MPDZ: variants seen among roughly 807,000 people sequenced by gnomAD.
The protein encoded by MPDZ is multiple PDZ domain protein.
MPDZ carries 234 observed loss-of-function variants against 239.1 expected under a neutral mutation model. That is an observed-to-expected ratio of 0.98 (90% confidence interval 0.88 to 1.09). The LOEUF is 1.09. MPDZ is among the 50% of genes least tolerant of loss of function. MPDZ has a pLI of 0.00. For missense variants in MPDZ, 3,175 were observed against 2,510.0 expected, an observed-to-expected ratio of 1.26 and a Z score of -5.66; for synonymous variants, 1,048 against 881.3, an observed-to-expected ratio of 1.19 and a Z score of -3.35.
At chr9:13,242,405 T>C (rs1965641299) in intron 3 of MPDZ, among the ~76,000 whole-genome samples, 3 of 151,772 alleles carry the variant, frequency 2.0e-5, no homozygotes, top group Admixed American at 2.0e-4. Flanking sequence ...TTTGTATTTT[T>C]AGTAGAGATG....
Position 13,219,541 on chromosome 9 carries a change from C to A in MPDZ, c.1086+18G>T, listed in dbSNP as rs753728644. The A allele has an allele frequency of 6.2e-7, 1 of 1,603,230 alleles. No individual in the cohort carries two copies. The highest frequency in any genetic ancestry group is 1.1e-5 in the South Asian group (1 of 90,260). On this transcript the variant is annotated intron_variant, in intron 8 of 46. Coordinates refer to ENST00000319217, the MANE Select transcript of MPDZ (RefSeq NM_001378778.1). ...GTTATTTCTCTGACTTTCACATTAA[C>A]TACTCTTAACTACTTACCCGCAACT...
Position 13,138,149 on chromosome 9 carries a change from A to G in MPDZ, c.4008T>C (p.Asn1336=), listed in dbSNP as rs367729260. The G allele has an allele frequency of 3.1e-5, 49 of 1,572,238 alleles. No individual in the cohort carries two copies. The highest frequency in any genetic ancestry group is 3.7e-5 in the Non-Finnish European group (43 of 1,159,400). Residue 1336 remains asparagine, a synonymous_variant, in exon 29 of 47, where the codon AAT becomes AAC. Transcript: ENST00000319217. ...TTAGGGTTCCATAACGCTCTCTGAT[A>G]TTTTCTACATACAACAACAACAACA... is the stretch of plus-strand genomic sequence containing the variant. The part of the protein sequence containing the change: ...KEDEFGYSWK[N]IRERYGTLTG...
intron 19 of MPDZ, among the ~76,000 whole-genome samples, chr9:13,182,210 C>T (rs895460516): frequency 6.6e-6 from 1 of 151,768 alleles, no homozygotes; most frequent in Admixed American, 6.6e-5. Context: ...ATACATATTT[C>T]GTATATTAAA....
intron 3 of MPDZ, 54 bp from the exon 4 acceptor site, chr9:13,224,637 T>C (rs1328611142): frequency 1.0e-5 from 12 of 1,203,234 alleles, no homozygotes; most frequent in African/African-American, 7.6e-5. Flanking sequence ...AACTATTTCA[T>C]AGAAAATATC....
chr9:13,252,563 C>T (rs1427316778), intron 1 of MPDZ, among the ~76,000 whole-genome samples: 3 of 87,788 alleles, frequency 3.4e-5, no homozygotes, highest in African/African-American at 1.2e-4. Flanking sequence ...AGACTCTGTC[C>T]CCCGCAAAAA....
At chr9:13,219,899 T>C in intron 7 of MPDZ, 131 bp from the exon 8 acceptor site, 1 of 793,166 alleles carries the variant, frequency 1.3e-6, no homozygotes. Context: ...ATAAAACACA[T>C]GGGTATAATA....
intron 21 of MPDZ, among the ~76,000 whole-genome samples, chr9:13,170,266 T>G (rs1361102175): frequency 2.0e-5 from 3 of 152,174 alleles, no homozygotes; most frequent in Non-Finnish European, 1.5e-5. Flanking sequence ...ATATGATATT[T>G]CAAACATTTT....
chr9:13,113,050 T>A lies in MPDZ; in HGVS notation c.5562A>T (p.Ala1854=). 1 of 1,580,670 alleles carries A rather than the reference T, an allele frequency of 6.3e-7. No individual in the cohort carries two copies. The highest frequency in any genetic ancestry group is 8.6e-7 in the Non-Finnish European group (1 of 1,161,264). The part of the protein sequence containing the change: ...LESSSKKNAL[A]SEIQGLRTVE... ...CTGTTCTTAATCCCTGTATTTCAGA[T>A]GCCACTGTAAAGGCAAAAAAGATAA... The change falls in exon 42 of 47, where the codon GCA becomes GCT. Residue 1854 remains alanine (A), a synonymous_variant. Transcript: ENST00000319217.
At chr9:13,180,498 T>C (rs904817008) in intron 19 of MPDZ, among the ~76,000 whole-genome samples, 7 of 152,080 alleles carry the variant, frequency 4.6e-5, no homozygotes, top group Non-Finnish European at 1.0e-4. Flanking sequence ...AAGGGGAAAC[T>C]TGAATAGATA....
rs75628072 is a variant in MPDZ at position 13,216,131 on chromosome 9, G to A, written c.1290+643C>T. Reference sequence around the variant, plus strand: ...ATTTGATAAGGAAGTTTTGTTGCAGGGTCTCTTGAATTTCTGTTTCAGGCT... The same window carrying A: ...ATTTGATAAGGAAGTTTTGTTGCAGAGTCTCTTGAATTTCTGTTTCAGGCT... On this transcript the variant is annotated intron_variant, in intron 10 of 46. Transcript: ENST00000319217. Among the ~76,000 whole-genome samples the A allele has an allele frequency of 7.3e-5, 11 of 151,114 alleles. No homozygotes were observed. The East Asian group carries it at 2.0e-3, about 27-fold the overall frequency.
rs370268149 is a variant in MPDZ at position 13,168,523 on chromosome 9, C to T, written c.3097G>A (p.Val1033Ile). ...SANKDGLGMI[V>I]RSIIHGGAIS... ...GCACCTCCATGAATAATGCTTCGAA[C>T]GATCATCCCCAAGCCATCTTTATTA... The change falls in exon 22 of 47, where the codon GTT becomes ATT. Residue 1033 changes from valine to isoleucine, a missense_variant. By Grantham distance (29) the Val-to-Ile change is conservative. Coordinates refer to ENST00000319217, the MANE Select transcript of MPDZ (RefSeq NM_001378778.1). 5.0e-6 allele frequency: 8 copies of T among 1,612,668 alleles called. No homozygotes were observed. Among genetic ancestry groups the T allele is most frequent in the African/African-American group, 1.3e-5 (1 of 74,836 alleles).
intron 1 of MPDZ, 55 bp from the exon 2 acceptor site, chr9:13,250,427 G>A: frequency 4.3e-6 from 4 of 936,082 alleles, no homozygotes; most frequent in Non-Finnish European, 3.3e-6. Flanking sequence ...ATATTCTAAA[G>A]CTATATACTC....
chr9:13,205,265 G>A (rs2039333), intron 11 of MPDZ, among the ~76,000 whole-genome samples, 158 bp from the exon 12 acceptor site: 142,690 of 152,220 alleles, frequency 0.94, 67,417 homozygotes, highest in East Asian at 1. Flanking sequence ...AGTTCTGTTA[G>A]TGGAAAAGAA....
chr9:13,235,332 T>C (rs1449456987), intron 3 of MPDZ, among the ~76,000 whole-genome samples: 1 of 152,166 alleles, frequency 6.6e-6, no homozygotes, highest in Non-Finnish European at 1.5e-5. Context: ...TATTTTCAAA[T>C]AGAACAAGCA....
At chr9:13,261,771 C>G (rs1970737813) in intron 1 of MPDZ, among the ~76,000 whole-genome samples, 2 of 151,486 alleles carry the variant, frequency 1.3e-5, no homozygotes, top group African/African-American at 4.9e-5. Flanking sequence ...GTGGCTCATA[C>G]CTGTAAGCCC....
intron 16 of MPDZ, 148 bp downstream of exon 16, chr9:13,189,966 G>C (rs767941647): frequency 1.6e-5 from 10 of 634,364 alleles, no homozygotes; most frequent in Admixed American, 3.2e-5. Flanking sequence ...AATCCTTTAT[G>C]ATAATCAGTG....
intron 31 of MPDZ, 102 bp from the exon 32 acceptor site, chr9:13,134,006 A>G: frequency 2.4e-6 from 1 of 416,550 alleles, no homozygotes; most frequent in Non-Finnish European, 4.1e-6. Flanking sequence ...TATACATTAT[A>G]TAAAATTATT....
At chr9:13,108,027 T>G (rs977006062) in intron 46 of MPDZ, among the ~76,000 whole-genome samples, 1 of 152,138 alleles carries the variant, frequency 6.6e-6, no homozygotes, top group African/African-American at 2.4e-5. Context: ...AGCTAGCTTG[T>G]TGTAGGTACA....
In MPDZ at chr9:13,193,272, C is replaced by A. The variant is rs749464800; in HGVS notation, c.1698G>T (p.Gly566=). ...GTCCCACTGTCGCTTCCAGGCTTAT[C>A]CCCAATCCACTGTTCTCACTAAACT... ...VSKFSENSGL[G]ISLEATVGHH... is the part of the protein sequence containing the mutation. The change falls in exon 14 of 47, where the codon GGG becomes GGT. Residue 566 remains glycine, a synonymous_variant. Transcript: ENST00000319217. 7 of 1,612,054 alleles carry A rather than the reference C, an allele frequency of 4.3e-6. No homozygotes were observed. The highest frequency in any genetic ancestry group is 1.7e-5 in the Admixed American group (1 of 59,936).
Sources: gnomAD v4.1 joint callset for allele counts (sites outside exome capture counted in the v4.1 genomes callset) on GRCh38, gnomAD v4.1.1 for gene constraint, MANE v1.5 for transcripts, NCBI Gene and HGNC (gene_info 2026-07-23, HGNC 2026-07-21) for gene names.